PCDH11X: variants seen among roughly 807,000 people sequenced by gnomAD.
PCDH11X encodes protocadherin-11 X-linked.
A neutral mutation model predicts 53.3 loss-of-function variants in PCDH11X; 18 were observed. That is an observed-to-expected ratio of 0.34 (90% CI 0.23 to 0.50). The LOEUF (loss-of-function observed/expected upper bound fraction) is 0.50, where lower values mean the gene tolerates loss of function less well. PCDH11X is among the 20% of genes least tolerant of loss of function. The pLI, the probability that PCDH11X is intolerant of heterozygous loss-of-function variation, is 0.98. For synonymous variants in PCDH11X, 279 were observed against 393.3 expected (o/e 0.71, Z 3.44); for missense variants, 570 against 1,032.4 (o/e 0.55, Z 6.14).
rs1461716622 is a variant in PCDH11X at position 92,621,946 on chromosome X, T to C, written c.*3006T>C. ...ATTAATTTTCTAGCTATGGTATTAC[T>C]ATATCACACTTGTGAGTATGTATTC... On this transcript the variant is annotated 3_prime_UTR_variant, in exon 11 of 11. Transcript: ENST00000682573. 1.9e-5 allele frequency: 2 copies of C among 106,414 alleles called. No homozygotes were observed. The highest frequency in any genetic ancestry group is 5.9e-4 in the East Asian group (2 of 3,406). 8.8% of individuals were successfully genotyped at this position (106,414 alleles called of 1,213,427 possible). A position where few individuals can be genotyped will look rare whatever the true frequency, so the allele number is the denominator to read the frequency against.
chrX:91,877,561 G>T lies in PCDH11X; in HGVS notation c.1321G>T (p.Ala441Ser). 2 of 1,210,664 alleles carry T rather than the reference G, an allele frequency of 1.7e-6. No individual in the cohort carries two copies. Among genetic ancestry groups the T allele is most frequent in the Non-Finnish European group, 2.2e-6 (2 of 895,183 alleles). Reference sequence around the variant, plus strand: ...TGCCATTAAATTACTGGCTGCAGATGCTGGCAAACCTCCTTTGAATCAGTC... The same window carrying T: ...TGCCATTAAATTACTGGCTGCAGATTCTGGCAAACCTCCTTTGAATCAGTC... ...EYAIKLLAAD[A>S]GKPPLNQSAM... The change falls in exon 6 of 11, where the codon GCT (alanine) becomes TCT (serine). Residue 441 changes from alanine (A) to serine (S), a missense_variant. This residue lies in a region of PCDH11X where 226 missense variants were observed against 457.5 expected (regional missense o/e 0.49). Transcript: ENST00000682573.
intron 9 of PCDH11X, among the ~76,000 whole-genome samples, chrX:92,401,383 T>TA (rs2071384905): frequency 9.0e-6 from 1 of 111,445 alleles, no homozygotes; most frequent in African/African-American, 3.3e-5. Context: ...GTCACGGAAG[T>TA]AAAACATTTT....
intron 8 of PCDH11X, among the ~76,000 whole-genome samples, chrX:92,385,675 A>C (rs1192181373): frequency 8.2e-5 from 9 of 110,418 alleles, no homozygotes; most frequent in Admixed American, 7.8e-4. Flanking sequence ...CTCTACCAAA[A>C]ATACAAAAAA....
intron 6 of PCDH11X, among the ~76,000 whole-genome samples, chrX:92,045,038 G>T (rs1478164092): frequency 1.2e-5 from 1 of 80,649 alleles, no homozygotes; most frequent in Non-Finnish European, 2.0e-5. Context: ...CAATTATAAG[G>T]AAAGACAAGC....
intron 4 of PCDH11X, among the ~76,000 whole-genome samples, chrX:91,827,933 G>T (rs887646116): frequency 9.3e-6 from 1 of 107,374 alleles, no homozygotes; most frequent in Non-Finnish European, 1.9e-5. Context: ...GTCTTTTTTT[G>T]TTCCATATGA....
chrX:92,328,517 A>G (rs2069388391), intron 8 of PCDH11X, among the ~76,000 whole-genome samples: 1 of 110,852 alleles, frequency 9.0e-6, no homozygotes, highest in East Asian at 2.8e-4. Context: ...AAAAGCTAGT[A>G]TTTTGAGAAA....
intron 6 of PCDH11X, among the ~76,000 whole-genome samples, chrX:91,961,776 G>A (rs1349042313): frequency 1.9e-5 from 2 of 106,264 alleles, no homozygotes; most frequent in African/African-American, 6.9e-5. Context: ...AAAGGAAAAG[G>A]TTTAATTGAC....
In PCDH11X at chrX:92,476,924, C is replaced by CAAAA. The variant is rs766830064; in HGVS notation, c.3367+8618_3367+8621dup. On this transcript the variant is annotated intron_variant, in intron 10 of 10. Transcript: ENST00000682573. ...CTTGTTCTCTTTTCTTACTTTCTTC[C>CAAAA]AAAAAAAAAAAAAAAAAAATGGAGT... 2.2e-4 allele frequency among the ~76,000 whole-genome samples: 4 copies of CAAAA among 18,459 alleles called. 2 individuals are homozygous for CAAAA. The African/African-American group carries it at 2.5e-3, about 12-fold the overall frequency. The allele number at this position is 18,459 out of a possible 115,157, so 16.0% of individuals were successfully genotyped here. A position where few individuals can be genotyped will look rare whatever the true frequency, so the allele number is the denominator to read the frequency against.
chrX:92,277,795 G>A (rs1227423513), intron 8 of PCDH11X, among the ~76,000 whole-genome samples: 1 of 110,834 alleles, frequency 9.0e-6, no homozygotes, highest in Non-Finnish European at 1.9e-5. Flanking sequence ...GCCACTAACA[G>A]TGAAGGAGAT....
intron 9 of PCDH11X, among the ~76,000 whole-genome samples, chrX:92,424,912 A>T (rs1331694656): frequency 4.1e-5 from 4 of 97,646 alleles, no homozygotes; most frequent in African/African-American, 1.3e-4. Context: ...TCCAAACATG[A>T]GGGGCACCTC....
intron 1 of PCDH11X, among the ~76,000 whole-genome samples, chrX:91,796,987 T>C (rs1393882695): frequency 2.7e-5 from 3 of 111,974 alleles, no homozygotes; most frequent in Non-Finnish European, 5.6e-5. Flanking sequence ...ATCATTTAAC[T>C]ATATTAATAA....
At chrX:91,785,921 TAA>T (rs1935322521) in intron 1 of PCDH11X, among the ~76,000 whole-genome samples, 1 of 111,913 alleles carries the variant, frequency 8.9e-6, no homozygotes, top group Non-Finnish European at 1.9e-5. Context: ...AATTGTAAAA[TAA>T]AAGTTTATCA....
intron 10 of PCDH11X, among the ~76,000 whole-genome samples, chrX:92,484,596 T>C (rs1362732720): frequency 5.2e-4 from 57 of 109,944 alleles, no homozygotes; most frequent in Non-Finnish European, 8.5e-4. Context: ...CCGGATGGAA[T>C]TGGAGACCAT....
chrX:92,102,118 G>C (rs190740940), intron 6 of PCDH11X, among the ~76,000 whole-genome samples: 1 of 111,079 alleles, frequency 9.0e-6, no homozygotes, highest in Admixed American at 9.6e-5. Context: ...GAATAATGTG[G>C]GAGGCCAGAT....
At chrX:92,451,830 G>A (rs1436673734) in intron 9 of PCDH11X, among the ~76,000 whole-genome samples, 1 of 111,145 alleles carries the variant, frequency 9.0e-6, no homozygotes, top group African/African-American at 3.3e-5. Flanking sequence ...CTTTAATTAC[G>A]TCAAATTCTC....
chrX:92,475,152 G>C (rs6619047), intron 10 of PCDH11X, among the ~76,000 whole-genome samples: 7 of 72,888 alleles, frequency 9.6e-5, no homozygotes, highest in Non-Finnish European at 1.6e-4. Context: ...GCGACAGAGC[G>C]AGACTCCGTC....
chrX:92,161,138 A>G (rs1485119852), intron 6 of PCDH11X, among the ~76,000 whole-genome samples: 1 of 111,408 alleles, frequency 9.0e-6, no homozygotes, highest in Non-Finnish European at 1.9e-5. Flanking sequence ...TAAAGAGGTT[A>G]TGTTTTAATG....
At chrX:91,802,983 T>C (rs1014744976) in intron 1 of PCDH11X, among the ~76,000 whole-genome samples, 2 of 111,562 alleles carry the variant, frequency 1.8e-5, no homozygotes, top group African/African-American at 6.5e-5. Flanking sequence ...CAAATGAAAG[T>C]CAGTTTATAA....
chrX:92,614,677 C>T, intron 10 of PCDH11X, among the ~76,000 whole-genome samples: 1 of 107,549 alleles, frequency 9.3e-6, no homozygotes. Context: ...TAAATGTCCC[C>T]TGATGTCAGG....
Sources: allele counts gnomAD v4.1 joint callset (sites outside exome capture counted in the v4.1 genomes callset), GRCh38; gene constraint gnomAD v4.1.1; regional missense constraint gnomAD v4.1.1; transcripts MANE v1.5; gene names NCBI Gene and HGNC (gene_info 2026-07-23, HGNC 2026-07-21).